Variants in CC2D2A observed in about 807,000 individuals in gnomAD.
CC2D2A encodes the protein coiled-coil and C2 domain containing 2A.
CC2D2A carries 155 observed loss-of-function variants against 212.9 expected under a neutral mutation model. That is an observed-to-expected ratio of 0.73 (90% CI 0.64 to 0.83). CC2D2A has a LOEUF of 0.83. CC2D2A is among the 40% of genes least tolerant of loss of function. CC2D2A has a pLI of 0.00. For synonymous variants in CC2D2A, 667 were observed against 686.5 expected (o/e 0.97, Z 0.44); for missense variants, 1,856 against 1,956.2 (o/e 0.95, Z 0.97).
chr4:15,525,961 A>C, intron 11 of CC2D2A, among the ~76,000 whole-genome samples: 1 of 152,244 alleles, frequency 6.6e-6, no homozygotes, highest in South Asian at 2.1e-4. Flanking sequence ...ACTGCAATAT[A>C]GTCAATTCAT....
chr4:15,489,336 T>G (rs1208033165), intron 4 of CC2D2A, among the ~76,000 whole-genome samples: 1 of 152,064 alleles, frequency 6.6e-6, no homozygotes, highest in Non-Finnish European at 1.5e-5. Flanking sequence ...AGCCGGGCCT[T>G]GGGGGTTACC....
chr4:15,557,216 T>C, intron 20 of CC2D2A, 88 bp from the exon 21 acceptor site: 1 of 752,154 alleles, frequency 1.3e-6, no homozygotes, highest in Non-Finnish European at 2.2e-6. Context: ...AATCTAAAAC[T>C]GTTAAATGTT....
intron 29 of CC2D2A, among the ~76,000 whole-genome samples, chr4:15,578,778 A>G (rs1410968160): frequency 1.3e-5 from 2 of 150,340 alleles, no homozygotes; most frequent in Non-Finnish European, 3.0e-5. Flanking sequence ...AGCACGCATC[A>G]CTACACCTGG....
intron 28 of CC2D2A, among the ~76,000 whole-genome samples, chr4:15,572,350 G>C (rs2109076042): frequency 6.6e-6 from 1 of 152,270 alleles, no homozygotes; most frequent in South Asian, 2.1e-4. Flanking sequence ...TTATGCCTGG[G>C]AAATGAGGTT....
chr4:15,538,769 T>G (rs886851613), intron 16 of CC2D2A, among the ~76,000 whole-genome samples: 3 of 152,252 alleles, frequency 2.0e-5, no homozygotes, highest in Non-Finnish European at 4.4e-5. Flanking sequence ...CATTTGTAAG[T>G]TCATCTTTTT....
chr4:15,501,814 A>G (rs990739190), intron 4 of CC2D2A, among the ~76,000 whole-genome samples: 1 of 152,194 alleles, frequency 6.6e-6, no homozygotes, highest in Admixed American at 6.6e-5. Context: ...AAAATTGTTG[A>G]GAAATACATT....
intron 10 of CC2D2A, 129 bp downstream of exon 10, chr4:15,516,133 A>ATTT: frequency 4.0e-6 from 3 of 741,046 alleles, no homozygotes; most frequent in South Asian, 4.4e-5. Context: ...AAAGTGGTTC[A>ATTT]TTTTTTTTTT....
intron 28 of CC2D2A, among the ~76,000 whole-genome samples, chr4:15,571,374 A>C (rs1007340945): frequency 3.9e-5 from 6 of 152,228 alleles, no homozygotes; most frequent in Non-Finnish European, 5.9e-5. Context: ...TAGTAGCTCT[A>C]ATCTAGGACA....
chr4:15,579,917 C>T, intron 29 of CC2D2A, 51 bp from the exon 30 acceptor site: 1 of 1,449,566 alleles, frequency 6.9e-7, no homozygotes, highest in Non-Finnish European at 9.7e-7. Context: ...TGAACACGTA[C>T]TTTCTCTCTT....
At chr4:15,481,101 C>T (rs1466506794) in intron 4 of CC2D2A, 1 of 469,368 alleles carries the variant, frequency 2.1e-6, no homozygotes, top group Non-Finnish European at 4.2e-6. Context: ...AGAGGTGGAG[C>T]CTAGTGGGAG....
intron 17 of CC2D2A, among the ~76,000 whole-genome samples, chr4:15,544,807 A>T (rs1304278953): frequency 1.3e-5 from 2 of 152,202 alleles, no homozygotes; most frequent in East Asian, 3.8e-4. Flanking sequence ...CTTGCTGTGG[A>T]TGTTACAGTC....
intron 27 of CC2D2A, 150 bp downstream of exon 27, chr4:15,569,539 A>G (rs1720061146): frequency 1.0e-5 from 6 of 590,242 alleles, no homozygotes; most frequent in Non-Finnish European, 1.8e-5. Flanking sequence ...GCGAGTCCAC[A>G]GTGCAAAGCA....
intron 28 of CC2D2A, among the ~76,000 whole-genome samples, chr4:15,571,572 C>T (rs910468023): frequency 6.7e-6 from 1 of 148,968 alleles, no homozygotes; most frequent in Non-Finnish European, 1.5e-5. Flanking sequence ...CACTGCACTC[C>T]AGCCTGGGCA....
intron 34 of CC2D2A, among the ~76,000 whole-genome samples, chr4:15,596,650 T>G (rs1480226139): frequency 1.3e-5 from 2 of 152,198 alleles, no homozygotes; most frequent in African/African-American, 4.8e-5. Flanking sequence ...TTGTTTCATT[T>G]GATAGATATA....
chr4:15,543,020 C>T (rs942723009), intron 17 of CC2D2A, among the ~76,000 whole-genome samples: 6 of 152,068 alleles, frequency 3.9e-5, no homozygotes, highest in Non-Finnish European at 7.4e-5. Flanking sequence ...CTGAAAGGGC[C>T]GGCACTGGGC....
At chr4:15,569,198 C>T (rs1169022648) in intron 26 of CC2D2A, 95 bp from the exon 27 acceptor site, 2 of 684,280 alleles carry the variant, frequency 2.9e-6, no homozygotes, top group East Asian at 2.7e-5. Context: ...AACATCTATG[C>T]TCATATTTGG....
At chr4:15,600,748 A>G (rs1721552071) in intron 36 of CC2D2A, among the ~76,000 whole-genome samples, 1 of 151,952 alleles carries the variant, frequency 6.6e-6, no homozygotes, top group Admixed American at 6.6e-5. Flanking sequence ...CAAAAAATAC[A>G]AAAAGTAGCC....
intron 11 of CC2D2A, among the ~76,000 whole-genome samples, chr4:15,520,278 G>T (rs1717130389): frequency 6.6e-6 from 1 of 152,088 alleles, no homozygotes; most frequent in Non-Finnish European, 1.5e-5. Context: ...TGGCTACTTT[G>T]TACAGAAATG....
intron 1 of CC2D2A, among the ~76,000 whole-genome samples, chr4:15,470,689 CTATATATATATATATATATATATATA>C (rs199958992): frequency 6.7e-4 from 34 of 50,668 alleles, no homozygotes; most frequent in African/African-American, 1.6e-3. Context: ...CTCTCTCTCT[CTATATATATATATATATATATATATA>C]TATATATATA....
Sources: allele counts gnomAD v4.1 joint callset (sites outside exome capture counted in the v4.1 genomes callset), GRCh38; gene constraint gnomAD v4.1.1; transcripts MANE v1.5; gene names NCBI Gene and HGNC (gene_info 2026-07-23, HGNC 2026-07-21).